The following EXPH5 variants were observed in gnomAD, a reference collection of about 807,000 sequenced individuals.
EXPH5 encodes exophilin 5.
A neutral mutation model predicts 41.1 loss-of-function variants in EXPH5; 42 were observed. The observed-to-expected ratio is 1.02, with a 90% confidence interval of 0.80 to 1.32. The LOEUF (loss-of-function observed/expected upper bound fraction) is 1.32. Among genes scored for constraint, EXPH5 ranks in the 40% most tolerant of loss-of-function variants. The pLI is 0.00. For missense variants in EXPH5, 2,298 were observed against 2,314.5 expected (o/e 0.99, Z 0.15); for synonymous variants, 798 against 833.5 (o/e 0.96, Z 0.73).
chr11:108,528,322 T>A, intron 3 of EXPH5, 138 bp from the exon 4 acceptor site: 1 of 605,816 alleles, frequency 1.7e-6, no homozygotes, highest in Non-Finnish European at 3.0e-6. Context: ...AGATGTTTCT[T>A]CGTTAGTGCA....
At position 108,509,812 on chromosome 11, in the gene EXPH5, C is replaced by T; in HGVS notation, c.5695G>A (p.Glu1899Lys). The change falls in exon 6 of 6, where the codon GAA (glutamate) becomes AAA (lysine). Residue 1899 changes from glutamate (E) to lysine (K), a missense_variant. Coordinates refer to ENST00000265843, the MANE Select transcript of EXPH5 (RefSeq NM_015065.3). ...TGTGTAAGTGACCTCTTTACATTTT[C>T]TAAGAAAGCTAACTGTTGTTCTTTC... Reference protein sequence around the residue: ...FGKEQQLAFLENVKRSLTQGR... With the variant: ...FGKEQQLAFLKNVKRSLTQGR... The T allele has an allele frequency of 6.2e-7, 1 of 1,613,436 alleles. No individual in the cohort carries two copies. Among genetic ancestry groups the T allele is most frequent in the Non-Finnish European group, 8.5e-7 (1 of 1,179,834 alleles).
chr11:108,579,972 C>CTTCA (rs1231069728), intron 1 of EXPH5, among the ~76,000 whole-genome samples: 3 of 152,232 alleles, frequency 2.0e-5, no homozygotes, highest in African/African-American at 7.2e-5. Flanking sequence ...AGAGGAAATA[C>CTTCA]TTCAGGACAT....
In EXPH5 at chr11:108,510,085, G is replaced by A. The variant is rs142805294; in HGVS notation, c.5422C>T (p.Arg1808Ter). Residue 1808 changes from arginine to a stop codon, truncating the protein, a stop_gained, in exon 6 of 6, where the codon CGA becomes TGA. Transcript: ENST00000265843. LOFTEE classifies it high-confidence loss of function. ...KSINVHGDLL[R>*]KSHPPKVRER... ...CTGACTTTTGGAGGATGGCTTTTTC[G>A]TAGTAGATCGCCATGAACATTAATG... 6.4e-5 allele frequency: 103 copies of A among 1,611,770 alleles called. No homozygotes were observed. The highest frequency in any genetic ancestry group is 1.7e-4 in the Middle Eastern group (1 of 6,060).
At chr11:108,584,753 A>C (rs1415808558) in intron 1 of EXPH5, among the ~76,000 whole-genome samples, 1 of 152,248 alleles carries the variant, frequency 6.6e-6, no homozygotes, top group Non-Finnish European at 1.5e-5. Context: ...CTGCACATAA[A>C]TCTTATTTCA....
rs1207949988 is a variant in EXPH5, at chr11:108,511,489, G to C, written c.4018C>G (p.Leu1340Val). 1 of 1,588,608 alleles carries C rather than the reference G, an allele frequency of 6.3e-7. No individual in the cohort carries two copies. Among genetic ancestry groups the C allele is most frequent in the Non-Finnish European group, 8.5e-7 (1 of 1,170,656 alleles). ...GCCATTTCCTGTAATGTAGGAGCTA[G>C]GGGCCCCCTATTTGATAATCGGAAG... ...TAFRLSNRGP[L>V]APTLQEMASV... The change falls in exon 6 of 6, where the codon CTA (leucine) becomes GTA (valine). Residue 1340 changes from leucine (L) to valine (V), a missense_variant. Leu to Val is a conservative substitution (Grantham distance 32). Coordinates refer to ENST00000265843, the MANE Select transcript of EXPH5 (RefSeq NM_015065.3).
intron 4 of EXPH5, among the ~76,000 whole-genome samples, chr11:108,527,077 T>C (rs1443875052): frequency 1.3e-5 from 2 of 152,148 alleles, no homozygotes; most frequent in Non-Finnish European, 2.9e-5. Flanking sequence ...CCCAGCACTT[T>C]GGGAAGCTGA....
chr11:108,566,535 C>T lies in EXPH5; in HGVS notation c.120-24723G>A, dbSNP rs561056319. Among the ~76,000 whole-genome samples the T allele has an allele frequency of 2.0e-3, 302 of 152,220 alleles. 3 individuals are homozygous for T. Among genetic ancestry groups the T allele is most frequent in the Non-Finnish European group, 3.0e-3 (206 of 68,014 alleles). On this transcript the variant is annotated intron_variant, in intron 1 of 5. Coordinates refer to ENST00000265843, the MANE Select transcript of EXPH5 (RefSeq NM_015065.3). Reference sequence around the variant, plus strand: ...TTATTATCTATTAATAGTTTTATTACAGTCTTGTGTCACTGGGTTATAAAT... The same window carrying T: ...TTATTATCTATTAATAGTTTTATTATAGTCTTGTGTCACTGGGTTATAAAT...
chr11:108,516,093 GA>G (rs1236342825), intron 5 of EXPH5, among the ~76,000 whole-genome samples: 61 of 140,518 alleles, frequency 4.3e-4, no homozygotes, highest in African/African-American at 1.4e-3. Context: ...AAAAAAACCA[GA>G]AAAAAAAACT....
intron 3 of EXPH5, among the ~76,000 whole-genome samples, chr11:108,528,525 A>G (rs930622158): frequency 2.0e-5 from 3 of 152,032 alleles, no homozygotes; most frequent in African/African-American, 7.2e-5. Flanking sequence ...GTGCGTGTTA[A>G]TTCATTTAGA....
intron 1 of EXPH5, among the ~76,000 whole-genome samples, chr11:108,580,821 C>T (rs1339839828): frequency 6.6e-6 from 1 of 152,028 alleles, no homozygotes; most frequent in East Asian, 1.9e-4. Flanking sequence ...AAACACCACA[C>T]GTTCTCACTC....
chr11:108,578,747 G>A (rs1186164753), intron 1 of EXPH5, among the ~76,000 whole-genome samples: 1 of 152,064 alleles, frequency 6.6e-6, no homozygotes, highest in African/African-American at 2.4e-5. Context: ...AGATCTTTCA[G>A]TTCTTTGGTT....
the EXPH5 span, among the ~76,000 whole-genome samples, chr11:108,604,426 G>A: frequency 6.6e-6 from 1 of 151,904 alleles, no homozygotes; most frequent in East Asian, 1.9e-4. Flanking sequence ...GAGAGGGCTG[G>A]ATATTTTTGC....
intron 5 of EXPH5, among the ~76,000 whole-genome samples, chr11:108,515,741 C>G (rs2093720749): frequency 6.6e-6 from 1 of 152,146 alleles, no homozygotes; most frequent in African/African-American, 2.4e-5. Context: ...TGAATCCATG[C>G]ATACAACCAC....
At position 108,509,987 on chromosome 11, in the gene EXPH5, A is replaced by G. The variant is rs1393019742; in HGVS notation, c.5520T>C (p.Ser1840=). ...ATCTTCGACTGTACCCATTGTTGAC[A>G]GAGAATTCATTCCCAAGGGTCAGTC... The part of the protein sequence containing the change: ...LSRLTLGNEF[S]VNNGYSRRFR... Residue 1840 remains serine (S), a synonymous_variant, in exon 6 of 6, where the codon TCT becomes TCC. Transcript: ENST00000265843. The G allele has an allele frequency of 1.2e-5, 19 of 1,613,806 alleles. No homozygotes were observed. In the South Asian group the frequency reaches 2.0e-4, roughly 17 times the overall value.
chr11:108,541,184 T>C (rs1260041014), intron 2 of EXPH5, among the ~76,000 whole-genome samples: 1 of 152,110 alleles, frequency 6.6e-6, no homozygotes. Flanking sequence ...GGATTGCAAG[T>C]GTGAGCCACC....
At chr11:108,585,396 C>T (rs150144126) in intron 1 of EXPH5, among the ~76,000 whole-genome samples, 69 of 152,226 alleles carry the variant, frequency 4.5e-4, no homozygotes, top group Admixed American at 3.1e-3. Context: ...GAGGGCTTCT[C>T]CCTCATGAAT....
At chr11:108,554,517 T>C (rs1344691070) in intron 1 of EXPH5, among the ~76,000 whole-genome samples, 4 of 152,130 alleles carry the variant, frequency 2.6e-5, no homozygotes, top group Non-Finnish European at 1.5e-5. Flanking sequence ...AACACTGTCA[T>C]TGTGACCTGT....
rs760962856 is a variant in EXPH5 at position 108,541,784 on chromosome 11, T to C, written c.148A>G (p.Arg50Gly). The C allele has an allele frequency of 1.2e-5, 20 of 1,608,060 alleles. No individual in the cohort carries two copies. Among genetic ancestry groups the C allele is most frequent in the Non-Finnish European group, 1.7e-5 (20 of 1,178,254 alleles). The part of the protein sequence containing the change: ...SKLQKTKRDI[R>G]WLQGVTGEWF... ...TCACCAGTCACTCCCTGAAGCCATC[T>C]GATATCCCTCTTTGTCTTCTGAAGT... Residue 50 changes from arginine (R) to glycine (G), a missense_variant, in exon 2 of 6, where the codon AGA becomes GGA. Arg to Gly is a moderately radical substitution (Grantham distance 125, BLOSUM62 -2). Transcript: ENST00000265843.
At chr11:108,517,282 C>A (rs2093732558) in intron 5 of EXPH5, among the ~76,000 whole-genome samples, 2 of 152,078 alleles carry the variant, frequency 1.3e-5, no homozygotes, top group Non-Finnish European at 2.9e-5. Context: ...ATTATTTTTT[C>A]ATTCCATAAA....
Sources: gnomAD v4.1 joint callset for allele counts (sites outside exome capture counted in the v4.1 genomes callset) on GRCh38, gnomAD v4.1.1 for gene constraint, MANE v1.5 for transcripts, NCBI Gene and HGNC (gene_info 2026-07-23, HGNC 2026-07-21) for gene names.